KIR3DL2: variants seen among roughly 807,000 people sequenced by gnomAD.
KIR3DL2 encodes the protein killer cell immunoglobulin like receptor, three Ig domains and long cytoplasmic tail 2, also known as killer cell immunoglobulin-like receptor 3DL2.
KIR3DL2 carries 42 observed loss-of-function variants against 41.6 expected under a neutral mutation model. The observed-to-expected ratio is 1.01, with a 90% CI of 0.79 to 1.31. KIR3DL2 has a LOEUF of 1.31. Ranked by LOEUF, KIR3DL2 falls within the 50% of genes most tolerant of loss-of-function variation. KIR3DL2 has a pLI of 0.00. For synonymous variants in KIR3DL2, 230 were observed against 221.3 expected (o/e 1.04, Z -0.35); for missense variants, 728 against 576.8 (o/e 1.26, Z -2.68).
chr19:54,860,642 T>C (rs1396787218), intron 6 of KIR3DL2, among the ~76,000 whole-genome samples: 5 of 151,862 alleles, frequency 3.3e-5, no homozygotes, highest in Non-Finnish European at 5.9e-5. Context: ...CCCAACACGC[T>C]GGGATAAGAG....
chr19:54,855,996 T>A (rs199889703), intron 5 of KIR3DL2, 84 bp downstream of exon 5: 1 of 1,511,166 alleles, frequency 6.6e-7, no homozygotes, highest in Non-Finnish European at 9.1e-7. Flanking sequence ...GGGAGAAGCA[T>A]GGACAGATGC....
At position 54,850,461 on chromosome 19, in the gene KIR3DL2, T is replaced by C. The variant is rs772261089; in HGVS notation, c.-15T>C. On this transcript the variant is annotated 5_prime_UTR_variant, in exon 1 of 9. Transcript: ENST00000326321. ...CTGAGCTGGGGCGCGGCCTCCTGTC[T>C]GCACCGGCAGCACCATGTCGCTCAC... 5 of 1,608,598 alleles carry C rather than the reference T, an allele frequency of 3.1e-6. No homozygotes were observed. Among genetic ancestry groups the C allele is most frequent in the Non-Finnish European group, 4.2e-6 (5 of 1,179,922 alleles).
chr19:54,855,635 T>G lies in KIR3DL2; in HGVS notation c.672T>G (p.Pro224=), dbSNP rs1158096725. The change falls in exon 5 of 9, where the codon CCT becomes CCG. Residue 224 remains proline (P), a synonymous_variant. Transcript: ENST00000326321. ...DIVITGLYEK[P]SLSAQPGPTV... ...TCCTTCCAGGTCTATATGAGAAACC[T>G]TCTCTCTCAGCCCAGCCGGGCCCCA... The G allele has an allele frequency of 2.7e-5, 43 of 1,613,026 alleles. 1 individual carries two copies. In the African/African-American group the frequency reaches 5.6e-4, roughly 21 times the overall value.
rs2065451598 is a variant in KIR3DL2 at position 54,865,661 on chromosome 19, G to T, written c.1001-144G>T. On this transcript the variant is annotated intron_variant, in intron 6 of 8. Transcript: ENST00000326321. ...TTCTATGAGAGCTGTAACTGAGAAAGCAGGAGAAAGCTGGGTCTCCCGCCA... is the reference window on the plus strand; with the variant it reads ...TTCTATGAGAGCTGTAACTGAGAAATCAGGAGAAAGCTGGGTCTCCCGCCA... The T allele has an allele frequency of 7.1e-6, 5 of 704,780 alleles. No homozygotes were observed. In the South Asian group the frequency reaches 8.5e-5, roughly 12 times the overall value. 43.7% of individuals were successfully genotyped at this position (704,780 alleles called of 1,614,324 possible).
At position 54,852,234 on chromosome 19, in the gene KIR3DL2, C is replaced by G. The variant is rs1304827364; in HGVS notation, c.307C>G (p.Leu103Val). ...YRCRGSRPHS[L>V]TGWSAPSNPL... Reference sequence around the variant, plus strand: ...ATGTCGGGGTTCACGCCCACACTCCCTCACTGGGTGGTCGGCACCCAGCAA... The same window carrying G: ...ATGTCGGGGTTCACGCCCACACTCCGTCACTGGGTGGTCGGCACCCAGCAA... Residue 103 changes from leucine (L) to valine (V), a missense_variant, in exon 3 of 9, where the codon CTC becomes GTC. Physicochemically the swap from Leu to Val is conservative, Grantham distance 32. Transcript: ENST00000326321. 1.9e-6 allele frequency: 3 copies of G among 1,611,326 alleles called. No homozygotes were observed. The highest frequency in any genetic ancestry group is 2.5e-6 in the Non-Finnish European group (3 of 1,178,618).
Position 54,852,297 on chromosome 19 carries a change from G to T in KIR3DL2, c.355+15G>T. 1 of 1,601,888 alleles carries T rather than the reference G, an allele frequency of 6.2e-7. No homozygotes were observed. Among genetic ancestry groups the T allele is most frequent in the South Asian group, 1.1e-5 (1 of 90,966 alleles). On this transcript the variant is annotated intron_variant, in intron 3 of 8. Transcript: ENST00000326321. The stretch of plus-strand genomic sequence containing the variant: ...CATGGTCACAGGTCAGAGGCTTTCT[G>T]TCTGGGCTTCTCACTGTCCCACCTC...
intron 6 of KIR3DL2, among the ~76,000 whole-genome samples, chr19:54,865,134 G>T (rs1196363143): frequency 6.6e-6 from 1 of 151,892 alleles, no homozygotes; most frequent in African/African-American, 2.4e-5. Flanking sequence ...TTTTGTCTTT[G>T]GTTCTGTTTA....
chr19:54,852,006 G>C lies in KIR3DL2; in HGVS notation c.79G>C (p.Asp27His). 1 of 1,609,974 alleles carries C rather than the reference G, an allele frequency of 6.2e-7. No homozygotes were observed. The highest frequency in any genetic ancestry group is 1.7e-5 in the Admixed American group (1 of 59,836). ...QGAWPLMGGQ[D>H]KPFLSARPST... ...GCCTCCTTCTCCCCCAGGTGGTCAG[G>C]ACAAACCCTTCCTGTCTGCCCGGCC... The change falls in exon 3 of 9, where the codon GAC (aspartate) becomes CAC (histidine). Residue 27 changes from aspartate to histidine, a missense_variant. Coordinates refer to ENST00000326321, the MANE Select transcript of KIR3DL2 (RefSeq NM_006737.4).
At chr19:54,866,123 G>T (rs1401260139) in intron 7 of KIR3DL2, among the ~76,000 whole-genome samples, 1 of 152,068 alleles carries the variant, frequency 6.6e-6, no homozygotes, top group Admixed American at 6.5e-5. Flanking sequence ...CACATCCCCT[G>T]CAGCTACTGA....
At chr19:54,853,723 T>C (rs2064486705) in intron 3 of KIR3DL2, 24 bp from the exon 4 acceptor site, 20 of 1,605,366 alleles carry the variant, frequency 1.2e-5, no homozygotes, top group Non-Finnish European at 1.6e-5. Context: ...AGATGCCTTC[T>C]AAACTCACAA....
chr19:54,853,708 A>T, intron 3 of KIR3DL2, 39 bp from the exon 4 acceptor site: 1 of 1,597,812 alleles, frequency 6.3e-7, no homozygotes, highest in Non-Finnish European at 8.5e-7. Flanking sequence ...TGGGATGATA[A>T]AGAGAGATGC....
In KIR3DL2 at chr19:54,855,746, C is replaced by A. The variant is rs201872374; in HGVS notation, c.783C>A (p.Ala261=). ...DIYHLSREGE[A]HERRLRAVPK... is the part of the protein sequence containing the mutation. Reference sequence around the variant, plus strand: ...ACCATCTGTCCAGGGAAGGGGAGGCCCATGAACGTAGGCTCCGTGCAGTGC... The same window carrying A: ...ACCATCTGTCCAGGGAAGGGGAGGCACATGAACGTAGGCTCCGTGCAGTGC... Residue 261 remains alanine (A), a synonymous_variant, in exon 5 of 9, where the codon GCC becomes GCA. Transcript: ENST00000326321. 261 of 1,613,466 alleles carry A rather than the reference C, an allele frequency of 1.6e-4. 1 individual carries two copies. The East Asian group carries it at 5.1e-3, about 32-fold the overall frequency.
chr19:54,866,259 G>T, intron 7 of KIR3DL2, 111 bp from the exon 8 acceptor site: 1 of 1,054,984 alleles, frequency 9.5e-7, no homozygotes, highest in Non-Finnish European at 1.4e-6. Context: ...GATGTTGGCA[G>T]CTGAAGAGCC....
chr19:54,861,507 A>G (rs1187766748), intron 6 of KIR3DL2, among the ~76,000 whole-genome samples: 1 of 151,422 alleles, frequency 6.6e-6, no homozygotes, highest in African/African-American at 2.4e-5. Flanking sequence ...TTAAACAGGC[A>G]TGATGGTGGT....
chr19:54,852,069 C>T lies in KIR3DL2; in HGVS notation c.142C>T (p.Gln48Ter), dbSNP rs1355262569. 5 of 1,612,622 alleles carry T rather than the reference C, an allele frequency of 3.1e-6. No homozygotes were observed. Among genetic ancestry groups the T allele is most frequent in the Middle Eastern group, 1.7e-4 (1 of 6,050 alleles). The change falls in exon 3 of 9, where the codon CAG (glutamine) becomes TAG (stop). Residue 48 changes from glutamine (Q) to a stop codon, truncating the protein, a stop_gained. Coordinates refer to ENST00000326321, the MANE Select transcript of KIR3DL2 (RefSeq NM_006737.4). LOFTEE classifies it high-confidence loss of function. Reference sequence around the variant, plus strand: ...GCCTCGAGGAGGACACGTGGCTCTTCAGTGTCACTATCGTCGTGGGTTTAA... The same window carrying T: ...GCCTCGAGGAGGACACGTGGCTCTTTAGTGTCACTATCGTCGTGGGTTTAA... Reference protein sequence around the residue: ...VVPRGGHVALQCHYRRGFNNF... With the variant: ...VVPRGGHVAL
In KIR3DL2 at chr19:54,867,150, AT is replaced by A. The variant is rs917142016; in HGVS notation, c.*427del. 20 of 209,074 alleles carry A rather than the reference AT, an allele frequency of 9.6e-5. No homozygotes were observed. Among genetic ancestry groups the A allele is most frequent in the South Asian group, 6.8e-4 (7 of 10,342 alleles). 13.0% of individuals were successfully genotyped at this position (209,074 alleles called of 1,614,324 possible). A position where few individuals can be genotyped will look rare whatever the true frequency, so the allele number is the denominator to read the frequency against. On this transcript the variant is annotated 3_prime_UTR_variant, in exon 9 of 9. Coordinates refer to ENST00000326321, the MANE Select transcript of KIR3DL2 (RefSeq NM_006737.4). ...CTTCTGTCATCAGTAAAATTTATAA[AT>A]TTTTTTTATAACTTCAGTGTAGCTC... is the stretch of plus-strand genomic sequence containing the variant.
In KIR3DL2 at chr19:54,853,862, A is replaced by T. The variant is rs2064505067; in HGVS notation, c.471A>T (p.Arg157Ser). Residue 157 changes from arginine to serine, a missense_variant, in exon 4 of 9, where the codon AGA (arginine) becomes AGT (serine). Transcript: ENST00000326321. The part of the protein sequence containing the change: ...DVMFEHFFLH[R>S]EGISEDPSRL... ...TGTTTGAGCACTTCTTTCTGCACAG[A>T]GAGGGGATCTCTGAGGACCCCTCAC... 6.2e-7 allele frequency: 1 copy of T among 1,613,346 alleles called. No homozygotes were observed. Among genetic ancestry groups the T allele is most frequent in the African/African-American group, 1.3e-5 (1 of 74,632 alleles).
chr19:54,855,863 G>T lies in KIR3DL2; in HGVS notation c.900G>T (p.Leu300=). The T allele has an allele frequency of 6.2e-7, 1 of 1,613,224 alleles. No homozygotes were observed. The highest frequency in any genetic ancestry group is 8.5e-7 in the Non-Finnish European group (1 of 1,179,826). The change falls in exon 5 of 9, where the codon CTG becomes CTT. Residue 300 remains leucine, a synonymous_variant. Transcript: ENST00000326321. ...TYRCFGSFRA[L]PCVWSNSSDP... ...GATGCTTCGGCTCTTTCCGTGCCCT[G>T]CCCTGCGTGTGGTCAAACTCAAGTG...
chr19:54,853,014 G>A (rs1164675824), intron 3 of KIR3DL2, among the ~76,000 whole-genome samples: 6 of 151,054 alleles, frequency 4.0e-5, no homozygotes, highest in Admixed American at 2.0e-4. Flanking sequence ...GGAGGCTGAG[G>A]CAAGATAATC....
Sources: gnomAD v4.1 joint callset for allele counts (sites outside exome capture counted in the v4.1 genomes callset) on GRCh38, gnomAD v4.1.1 for gene constraint, MANE v1.5 for transcripts, NCBI Gene and HGNC (gene_info 2026-07-23, HGNC 2026-07-21) for gene names.